The following ATF7IP2 variants were observed in gnomAD, a reference collection of about 807,000 sequenced individuals.
ATF7IP2 encodes activating transcription factor 7-interacting protein 2.
ATF7IP2 carries 42 observed loss-of-function variants against 64.2 expected under a neutral mutation model. The ratio of observed to expected loss-of-function variants is 0.65; its 90% confidence interval spans 0.51 to 0.85. The LOEUF is 0.85. Among genes scored for constraint, ATF7IP2 ranks in the 40% least tolerant of loss-of-function variants. The pLI is 0.00. For synonymous variants in ATF7IP2, 308 were observed against 272.8 expected, an observed-to-expected ratio of 1.13 and a Z score of -1.27; for missense variants, 933 against 784.2, an observed-to-expected ratio of 1.19 and a Z score of -2.27.
chr16:10,452,652 C>G (rs530982954), intron 8 of ATF7IP2, among the ~76,000 whole-genome samples: 2 of 152,334 alleles, frequency 1.3e-5, no homozygotes, highest in East Asian at 1.9e-4. Context: ...ATCCACTGAT[C>G]TGCTGCTCTC....
intron 1 of ATF7IP2, among the ~76,000 whole-genome samples, chr16:10,389,560 CAT>C (rs930865713): frequency 2.6e-5 from 4 of 152,162 alleles, no homozygotes; most frequent in Non-Finnish European, 5.9e-5. Context: ...AAAAAAAATA[CAT>C]ATGTGAGCTA....
intron 13 of ATF7IP2, 112 bp downstream of exon 13, chr16:10,481,076 G>A (rs978419596): frequency 5.4e-6 from 4 of 736,044 alleles, no homozygotes; most frequent in Admixed American, 2.3e-5. Context: ...CAACAATTTA[G>A]TGTGCTGTTG....
chr16:10,465,314 C>T lies in ATF7IP2; in HGVS notation c.1353-6796C>T, dbSNP rs575416517. ...CTTACCTACTACATAATAACAATGC[C>T]TAGAGAAATGAATTACTAATTTTAG... is the stretch of plus-strand genomic sequence containing the variant. On this transcript the variant is annotated intron_variant, in intron 9 of 13. Transcript: ENST00000562102. Among the ~76,000 whole-genome samples, 202 of 152,204 alleles carry T rather than the reference C, an allele frequency of 1.3e-3. 1 individual carries two copies. The highest frequency in any genetic ancestry group is 4.7e-3 in the African/African-American group (197 of 41,524).
intron 9 of ATF7IP2, among the ~76,000 whole-genome samples, chr16:10,464,521 GTT>G (rs1327190179): frequency 6.6e-6 from 1 of 152,154 alleles, no homozygotes; most frequent in East Asian, 1.9e-4. Flanking sequence ...AGAAGAGAAA[GTT>G]TATGGCCCAA....
chr16:10,456,850 T>C (rs768706247), intron 8 of ATF7IP2, among the ~76,000 whole-genome samples: 16 of 152,178 alleles, frequency 1.1e-4, no homozygotes, highest in Admixed American at 2.6e-4. Flanking sequence ...CCTAGTGCAT[T>C]TTTGTTCATG....
intron 9 of ATF7IP2, among the ~76,000 whole-genome samples, chr16:10,459,847 T>G (rs2049315684): frequency 6.6e-6 from 1 of 152,134 alleles, no homozygotes; most frequent in Non-Finnish European, 1.5e-5. Flanking sequence ...GGTAAAACAT[T>G]GGAGGTGTTC....
intron 3 of ATF7IP2, among the ~76,000 whole-genome samples, chr16:10,422,000 G>C (rs1257254530): frequency 6.6e-6 from 1 of 152,202 alleles, no homozygotes; most frequent in Non-Finnish European, 1.5e-5. Context: ...GGCAGTCCTG[G>C]CTGCAATGCC....
At chr16:10,480,533 G>C (rs894723306) in intron 12 of ATF7IP2, among the ~76,000 whole-genome samples, 1 of 151,572 alleles carries the variant, frequency 6.6e-6, no homozygotes, top group African/African-American at 2.4e-5. Context: ...CTTGGCTATA[G>C]ATTATAAATG....
chr16:10,402,371 A>G (rs1289524933), intron 1 of ATF7IP2, among the ~76,000 whole-genome samples: 1 of 152,024 alleles, frequency 6.6e-6, no homozygotes, highest in South Asian at 2.1e-4. Flanking sequence ...ATTTCCATAT[A>G]TTTTTATAGT....
rs201158427 is a variant in ATF7IP2, at chr16:10,479,958, C to CTTT, written c.1550-880_1550-878dup. 8.4e-4 allele frequency among the ~76,000 whole-genome samples: 68 copies of CTTT among 80,560 alleles called. 1 individual carries two copies. The highest frequency in any genetic ancestry group is 2.7e-3 in the East Asian group (7 of 2,630). The allele number at this position is 80,560 out of a possible 152,430, so 52.9% of individuals were successfully genotyped here. A position where few individuals can be genotyped will look rare whatever the true frequency, so the allele number is the denominator to read the frequency against. ...TCTCAGTGATTTAGAACTGGAAATA[C>CTTT]TTTTTTTTTTTTTTTTTTTTTTTTT... is the stretch of plus-strand genomic sequence containing the variant. On this transcript the variant is annotated intron_variant, in intron 12 of 13. Transcript: ENST00000562102.
chr16:10,461,010 A>C (rs995681882), intron 9 of ATF7IP2, among the ~76,000 whole-genome samples: 1 of 152,150 alleles, frequency 6.6e-6, no homozygotes, highest in African/African-American at 2.4e-5. Context: ...AAGCCAAATA[A>C]TACAAAAGAA....
rs779733508 is a variant in ATF7IP2 at position 10,480,886 on chromosome 16, A to G, written c.1557A>G (p.Pro519=). ...EGLSNCNTES[P]VSPLESHSKA... is the part of the protein sequence containing the mutation. The stretch of plus-strand genomic sequence containing the variant: ...ACCTTGTGTTGTTCACAGAAAGTCC[A>G]GTATCCCCCCTGGAGTCACATTCGA... Residue 519 remains proline (P), a synonymous_variant, in exon 13 of 14, where the codon CCA becomes CCG. Coordinates refer to ENST00000562102, the MANE Select transcript of ATF7IP2 (RefSeq NM_001393719.1). 8 of 1,609,390 alleles carry G rather than the reference A, an allele frequency of 5.0e-6. No homozygotes were observed. Among genetic ancestry groups the G allele is most frequent in the South Asian group, 1.1e-5 (1 of 90,946 alleles).
In ATF7IP2 at chr16:10,421,979, TAGC is replaced by T. The variant is rs1454821291; in HGVS notation, c.-160+2359_-160+2361del. Among the ~76,000 whole-genome samples the T allele has an allele frequency of 5.3e-5, 8 of 152,352 alleles. No individual in the cohort carries two copies. In the East Asian group the frequency reaches 7.7e-4, roughly 15 times the overall value. ...ATTAAAGGCCAATTTTTCAGAATCA[TAGC>T]AGGAGAAGGCAGTCCTGGCTGCAAT... On this transcript the variant is annotated intron_variant, in intron 3 of 13. Transcript: ENST00000562102.
chr16:10,426,621 C>T (rs962249705), intron 3 of ATF7IP2, among the ~76,000 whole-genome samples: 1 of 152,082 alleles, frequency 6.6e-6, no homozygotes, highest in Non-Finnish European at 1.5e-5. Flanking sequence ...AGCACCGTGT[C>T]CTTAAATAAC....
At position 10,431,437 on chromosome 16, in the gene ATF7IP2, C is replaced by G. The variant is rs1430694886; in HGVS notation, c.817C>G (p.Leu273Val). 4.4e-6 allele frequency: 7 copies of G among 1,598,684 alleles called. No individual in the cohort carries two copies. Among genetic ancestry groups the G allele is most frequent in the Non-Finnish European group, 6.0e-6 (7 of 1,169,886 alleles). The part of the protein sequence containing the change: ...ESADSTWQSS[L>V]DTNNNSHYQK... ...TGCAGACTCAACATGGCAGTCATCA[C>G]TTGACACTAATAACAACAGTAAGTA... Residue 273 changes from leucine to valine, a missense_variant, in exon 5 of 14, where the codon CTT (leucine) becomes GTT (valine). Transcript: ENST00000562102.
intron 1 of ATF7IP2, among the ~76,000 whole-genome samples, chr16:10,412,420 T>A (rs565752631): frequency 2.6e-5 from 4 of 152,344 alleles, no homozygotes; most frequent in African/African-American, 9.6e-5. Flanking sequence ...TCCATCTTGA[T>A]TTCATTGTTG....
chr16:10,466,264 G>C (rs992462133), intron 9 of ATF7IP2, among the ~76,000 whole-genome samples: 4 of 152,156 alleles, frequency 2.6e-5, no homozygotes, highest in African/African-American at 9.7e-5. Context: ...CAATTAATCT[G>C]TTTAGTTCAG....
chr16:10,388,934 G>A (rs903782126), intron 1 of ATF7IP2, among the ~76,000 whole-genome samples: 1 of 151,930 alleles, frequency 6.6e-6, no homozygotes, highest in African/African-American at 2.4e-5. Flanking sequence ...ATGGCGTGAA[G>A]CCGGGAGGCG....
At chr16:10,389,477 T>A (rs1485994042) in intron 1 of ATF7IP2, among the ~76,000 whole-genome samples, 1 of 152,144 alleles carries the variant, frequency 6.6e-6, no homozygotes, top group East Asian at 1.9e-4. Context: ...GGGAAACTCT[T>A]GGAACTGTGA....
Sources: allele counts gnomAD v4.1 joint callset (sites outside exome capture counted in the v4.1 genomes callset), GRCh38; gene constraint gnomAD v4.1.1; transcripts MANE v1.5; gene names NCBI Gene and HGNC (gene_info 2026-07-23, HGNC 2026-07-21).